PARN: variants seen among roughly 807,000 people sequenced by gnomAD.
PARN encodes poly(A)-specific ribonuclease, also known as poly(A)-specific ribonuclease PARN.
Under a neutral mutation model 102.8 loss-of-function variants are expected in PARN, and 71 were observed. The observed-to-expected ratio is 0.69, with a 90% CI of 0.57 to 0.84. PARN has a LOEUF of 0.84. Ranked by LOEUF, PARN falls within the 40% of genes least tolerant of loss-of-function variation. PARN has a pLI of 0.00. For missense variants in PARN, 782 were observed against 760.9 expected (o/e 1.03, Z -0.33); for synonymous variants, 261 against 252.9 (o/e 1.03, Z -0.30).
chr16:14,561,028 G>A (rs1205953734), intron 18 of PARN, among the ~76,000 whole-genome samples: 1 of 151,972 alleles, frequency 6.6e-6, no homozygotes, highest in Non-Finnish European at 1.5e-5. Context: ...ATGGTGGCGG[G>A]TGCCTGTAAT....
intron 21 of PARN, among the ~76,000 whole-genome samples, chr16:14,486,856 T>A (rs527339252): frequency 6.6e-6 from 1 of 152,342 alleles, no homozygotes; most frequent in Non-Finnish European, 1.5e-5. Context: ...AAACTAACCT[T>A]TTCCAAATTT....
At chr16:14,615,286 T>A (rs572662060) in intron 6 of PARN, among the ~76,000 whole-genome samples, 5 of 151,720 alleles carry the variant, frequency 3.3e-5, no homozygotes, top group African/African-American at 1.2e-4. Flanking sequence ...AATCTGGCTG[T>A]TTCTCTTCTT....
chr16:14,447,568 AC>A (rs1961258422), intron 22 of PARN, among the ~76,000 whole-genome samples: 2 of 152,226 alleles, frequency 1.3e-5, no homozygotes, highest in African/African-American at 2.4e-5. Context: ...TACAGAGCAT[AC>A]CCCACCTTCA....
chr16:14,523,719 C>T (rs1965855319), intron 21 of PARN, among the ~76,000 whole-genome samples: 1 of 152,170 alleles, frequency 6.6e-6, no homozygotes, highest in Non-Finnish European at 1.5e-5. Flanking sequence ...CAAAACCTGC[C>T]TGCCTCTTTG....
At chr16:14,452,110 C>T (rs984378482) in intron 22 of PARN, among the ~76,000 whole-genome samples, 8 of 151,982 alleles carry the variant, frequency 5.3e-5, no homozygotes, top group African/African-American at 1.9e-4. Flanking sequence ...GGCTATTCTA[C>T]GGACATGGAG....
chr16:14,534,507 T>G (rs538026818), intron 21 of PARN, among the ~76,000 whole-genome samples: 1 of 152,122 alleles, frequency 6.6e-6, no homozygotes, highest in Non-Finnish European at 1.5e-5. Flanking sequence ...TAATAGACAA[T>G]TATTTAAATT....
At chr16:14,517,358 C>T (rs1169881377) in intron 21 of PARN, among the ~76,000 whole-genome samples, 1 of 152,198 alleles carries the variant, frequency 6.6e-6, no homozygotes, top group African/African-American at 2.4e-5. Flanking sequence ...TAGCCATCTA[C>T]AGGATGAGGG....
intron 23 of PARN, among the ~76,000 whole-genome samples, chr16:14,439,939 C>T (rs1960874766): frequency 2.6e-5 from 4 of 152,090 alleles, no homozygotes; most frequent in African/African-American, 7.2e-5. Context: ...AGCCTGAACC[C>T]GAGAGGCGGA....
chr16:14,604,235 CAT>C lies in PARN; in HGVS notation c.703-11_703-10del, dbSNP rs1185087862. 1 of 1,513,564 alleles carries C rather than the reference CAT, an allele frequency of 6.6e-7. No homozygotes were observed. The highest frequency in any genetic ancestry group is 9.0e-7 in the Non-Finnish European group (1 of 1,108,404). The allele number at this position is 1,513,564 out of a possible 1,614,324, so 93.8% of individuals were successfully genotyped here. On this transcript the variant is annotated splice_polypyrimidine_tract_variant and intron_variant, in intron 10 of 23. Coordinates refer to ENST00000437198, the MANE Select transcript of PARN (RefSeq NM_002582.4). ...ACTATATATCGCTCCTTCTAAAAGA[CAT>C]AAAGCAGATATACAATTTTCTTTTC...
At chr16:14,528,686 T>C (rs958167016) in intron 21 of PARN, among the ~76,000 whole-genome samples, 4 of 152,214 alleles carry the variant, frequency 2.6e-5, no homozygotes, top group Admixed American at 1.3e-4. Context: ...TTTACCTTCA[T>C]AACCTCACTG....
At chr16:14,457,023 C>A (rs1172506963) in intron 22 of PARN, among the ~76,000 whole-genome samples, 1 of 152,118 alleles carries the variant, frequency 6.6e-6, no homozygotes, top group Non-Finnish European at 1.5e-5. Flanking sequence ...TGGCACAGGG[C>A]CTGGCATAGA....
At chr16:14,571,054 C>T (rs1248288831) in intron 18 of PARN, among the ~76,000 whole-genome samples, 1 of 151,980 alleles carries the variant, frequency 6.6e-6, no homozygotes, top group African/African-American at 2.4e-5. Flanking sequence ...TAATAGTTCA[C>T]TTAGAAGATA....
intron 5 of PARN, among the ~76,000 whole-genome samples, chr16:14,618,707 T>G (rs118128873): frequency 2.7e-3 from 408 of 150,604 alleles, no homozygotes; most frequent in Middle Eastern, 6.9e-3. Context: ...ATTCTCCCAA[T>G]AGGCAGAAAG....
intron 21 of PARN, among the ~76,000 whole-genome samples, chr16:14,489,399 C>G (rs995933180): frequency 2.9e-5 from 4 of 138,534 alleles, no homozygotes; most frequent in Admixed American, 8.1e-5. Context: ...GAGCCGAGAT[C>G]GTGCCACTGC....
intron 22 of PARN, among the ~76,000 whole-genome samples, chr16:14,478,305 G>A (rs1963185052): frequency 6.6e-6 from 1 of 152,072 alleles, no homozygotes; most frequent in African/African-American, 2.4e-5. Flanking sequence ...AACAGACCCT[G>A]TCTCAGAAAT....
intron 21 of PARN, among the ~76,000 whole-genome samples, chr16:14,548,452 A>G (rs1231205462): frequency 1.3e-5 from 2 of 152,206 alleles, no homozygotes; most frequent in Admixed American, 1.3e-4. Flanking sequence ...AATACTATGA[A>G]TATCATTTAT....
chr16:14,443,535 C>T (rs553618413), intron 23 of PARN, among the ~76,000 whole-genome samples: 14 of 152,176 alleles, frequency 9.2e-5, no homozygotes, highest in South Asian at 4.2e-4. Context: ...GACGGGGTTT[C>T]GCCATGTTGG....
At position 14,617,689 on chromosome 16, in the gene PARN, T is replaced by C. The variant is rs377177139; in HGVS notation, c.328-39A>G. On this transcript the variant is annotated intron_variant, in intron 5 of 23. Coordinates refer to ENST00000437198, the MANE Select transcript of PARN (RefSeq NM_002582.4). Reference sequence around the variant, plus strand: ...AACAGAACACATGTTTTGGGGATGTTAGCGGCAGGAATATAAAGAGATGCA... The same window carrying C: ...AACAGAACACATGTTTTGGGGATGTCAGCGGCAGGAATATAAAGAGATGCA... The C allele has an allele frequency of 7.0e-5, 87 of 1,235,774 alleles. No individual in the cohort carries two copies. The African/African-American group carries it at 9.0e-4, about 13-fold the overall frequency. The allele number at this position is 1,235,774 out of a possible 1,614,324, so 76.6% of individuals were successfully genotyped here. A position where few individuals can be genotyped will look rare whatever the true frequency, so the allele number is the denominator to read the frequency against.
chr16:14,602,284 C>T (rs377007372), intron 11 of PARN, among the ~76,000 whole-genome samples: 3 of 152,034 alleles, frequency 2.0e-5, no homozygotes, highest in African/African-American at 4.8e-5. Flanking sequence ...TACATTTTGT[C>T]GACTTCTGCC....
Sources: allele counts gnomAD v4.1 joint callset (sites outside exome capture counted in the v4.1 genomes callset), GRCh38; gene constraint gnomAD v4.1.1; transcripts MANE v1.5; gene names NCBI Gene and HGNC (gene_info 2026-07-23, HGNC 2026-07-21).